LIMK2: variants seen among roughly 807,000 people sequenced by gnomAD.
LIMK2 encodes LIM domain kinase 2.
In LIMK2, 35 loss-of-function variants were observed where a neutral mutation model predicts 75.7. That is an observed-to-expected ratio of 0.46 (90% CI 0.35 to 0.61). LIMK2 has a LOEUF of 0.61. LIMK2 is among the 20% of genes least tolerant of loss of function. LIMK2 has a pLI of 0.00. For synonymous variants in LIMK2, 301 were observed against 319.2 expected (o/e 0.94, Z 0.61); for missense variants, 623 against 831.0 (o/e 0.75, Z 3.08).
chr22:31,255,461 C>T (rs902487759), intron 2 of LIMK2, among the ~76,000 whole-genome samples: 3 of 152,132 alleles, frequency 2.0e-5, no homozygotes, highest in Admixed American at 1.3e-4. Flanking sequence ...TAAAAATAGC[C>T]ATCAGTGTTT....
At chr22:31,223,344 C>A (rs2048452501) in intron 1 of LIMK2, among the ~76,000 whole-genome samples, 1 of 152,162 alleles carries the variant, frequency 6.6e-6, no homozygotes. Context: ...TGAATATCCT[C>A]ATGGTGGAAA....
chr22:31,234,231 C>T (rs565378549), intron 2 of LIMK2, among the ~76,000 whole-genome samples: 3 of 151,056 alleles, frequency 2.0e-5, no homozygotes, highest in South Asian at 2.1e-4. Flanking sequence ...AAGCTAGTCT[C>T]GAACTCCTGA....
intron 1 of LIMK2, among the ~76,000 whole-genome samples, chr22:31,222,478 G>A (rs965073720): frequency 3.0e-5 from 4 of 133,674 alleles, no homozygotes; most frequent in African/African-American, 8.5e-5. Flanking sequence ...GGGTTCAAGC[G>A]ATTCTCCTGC....
rs946129705 is a variant in LIMK2 at position 31,275,277 on chromosome 22, G to A, written c.1741G>A (p.Ala581Thr). 7.4e-6 allele frequency: 12 copies of A among 1,614,042 alleles called. No individual in the cohort carries two copies. The highest frequency in any genetic ancestry group is 2.2e-5 in the East Asian group (1 of 44,898). Residue 581 changes from alanine to threonine, a missense_variant, in exon 15 of 16, where the codon GCC becomes ACC. Coordinates refer to ENST00000331728, the MANE Select transcript of LIMK2 (RefSeq NM_005569.4). The stretch of plus-strand genomic sequence containing the variant: ...TCCCCCGGCCTTCTTCCCGCTGGCC[G>A]CCATCTGCTGCAGACTGGAGCCTGA... The part of the protein sequence containing the change: ...DCPPAFFPLA[A>T]ICCRLEPESR...
intron 7 of LIMK2, among the ~76,000 whole-genome samples, chr22:31,263,992 A>C (rs937856874): frequency 4.6e-5 from 7 of 151,474 alleles, no homozygotes; most frequent in Non-Finnish European, 1.0e-4. Context: ...CTTGTCTCCA[A>C]AAAAAAAAGT....
At chr22:31,274,750 C>T (rs2048995980) in intron 14 of LIMK2, among the ~76,000 whole-genome samples, 2 of 152,164 alleles carry the variant, frequency 1.3e-5, no homozygotes, top group East Asian at 1.9e-4. Flanking sequence ...ATTAATTGAA[C>T]ACCTCTGTTC....
intron 11 of LIMK2, among the ~76,000 whole-genome samples, chr22:31,269,965 C>T (rs1569001674): frequency 6.7e-6 from 1 of 150,130 alleles, no homozygotes; most frequent in African/African-American, 2.5e-5. Context: ...AATGAGGGAA[C>T]AGGAGGAGGA....
intron 2 of LIMK2, among the ~76,000 whole-genome samples, chr22:31,255,550 C>T (rs1411865194): frequency 1.3e-5 from 2 of 152,178 alleles, no homozygotes; most frequent in Non-Finnish European, 2.9e-5. Flanking sequence ...ACTTCCCTAG[C>T]TCAGCTGCTT....
rs535595572 is a variant in LIMK2 at position 31,250,694 on chromosome 22, C to T, written c.117-7597C>T. On this transcript the variant is annotated intron_variant, in intron 2 of 15. Transcript: ENST00000331728. ...CAGACCCTCTGCTCTCCCAGGTATCCGTTACCACATCACTACCTGGTCAGA... is the reference window on the plus strand; with the variant it reads ...CAGACCCTCTGCTCTCCCAGGTATCTGTTACCACATCACTACCTGGTCAGA... Among the ~76,000 whole-genome samples the T allele has an allele frequency of 1.1e-4, 17 of 152,312 alleles. No individual in the cohort carries two copies. The East Asian group carries it at 2.1e-3, about 19-fold the overall frequency.
At chr22:31,269,506 C>T (rs986899652) in intron 11 of LIMK2, among the ~76,000 whole-genome samples, 1 of 151,990 alleles carries the variant, frequency 6.6e-6, no homozygotes, top group Non-Finnish European at 1.5e-5. Context: ...TGGCTCATGC[C>T]TGTAATCCCA....
At chr22:31,219,518 G>A (rs1177174217) in intron 1 of LIMK2, among the ~76,000 whole-genome samples, 1 of 152,008 alleles carries the variant, frequency 6.6e-6, no homozygotes, top group African/African-American at 2.4e-5. Context: ...TTGTTTGAAG[G>A]TACTGTGAAC....
At chr22:31,219,691 C>G (rs1416830758) in intron 1 of LIMK2, among the ~76,000 whole-genome samples, 1 of 152,182 alleles carries the variant, frequency 6.6e-6, no homozygotes, top group Non-Finnish European at 1.5e-5. Context: ...CCTGCTTCAG[C>G]CTCCCGAGTA....
At position 31,212,338 on chromosome 22, in the gene LIMK2, G is replaced by T. The variant is rs930267541; in HGVS notation, c.-71G>T. ...AGGCGGCGGCGGCAGGAGCTGAGGG[G>T]AGTTGTAGGGAACTGAGGGGAGCTG... On this transcript the variant is annotated 5_prime_UTR_variant, in exon 1 of 16. Transcript: ENST00000331728. 62 of 1,308,434 alleles carry T rather than the reference G, an allele frequency of 4.7e-5. No individual in the cohort carries two copies. The highest frequency in any genetic ancestry group is 6.1e-5 in the Non-Finnish European group (62 of 1,018,154). 81.1% of individuals were successfully genotyped at this position (1,308,434 alleles called of 1,614,324 possible). A position where few individuals can be genotyped will look rare whatever the true frequency, so the allele number is the denominator to read the frequency against.
In LIMK2 at chr22:31,267,035, T is replaced by C. The variant is rs138769386; in HGVS notation, c.1093T>C (p.Cys365Arg). The C allele has an allele frequency of 6.2e-7, 1 of 1,609,784 alleles. No homozygotes were observed. Among genetic ancestry groups the C allele is most frequent in the East Asian group, 2.2e-5 (1 of 44,814 alleles). ...GATGGTCATGAAAGAGTTAATTCGA[T>C]GTGATGAGGAGACCCAGAAAACTTT... is the stretch of plus-strand genomic sequence containing the variant. ...KVMVMKELIR[C>R]DEETQKTFLT... Residue 365 changes from cysteine to arginine, a missense_variant, in exon 9 of 16, where the codon TGT (cysteine) becomes CGT (arginine). By Grantham distance (180) the Cys-to-Arg change is radical. Coordinates refer to ENST00000331728, the MANE Select transcript of LIMK2 (RefSeq NM_005569.4).
intron 2 of LIMK2, among the ~76,000 whole-genome samples, chr22:31,229,661 G>A (rs1224128479): frequency 6.6e-6 from 1 of 152,114 alleles, no homozygotes; most frequent in African/African-American, 2.4e-5. Flanking sequence ...CCTTCCCCCA[G>A]TACCTTTGTT....
At chr22:31,275,008 T>C (rs1012373639) in intron 14 of LIMK2, 143 bp from the exon 15 acceptor site, 1 of 759,626 alleles carries the variant, frequency 1.3e-6, no homozygotes, top group African/African-American at 1.7e-5. Context: ...GAGAGATGAT[T>C]GGGGATTGGG....
At chr22:31,222,930 A>G (rs2048449226) in intron 1 of LIMK2, 1 of 152,098 alleles carries the variant, frequency 6.6e-6, no homozygotes, top group Non-Finnish European at 1.5e-5. Context: ...GGGGTGCTGT[A>G]AAGATAACTA....
At chr22:31,225,598 G>A in intron 1 of LIMK2, 122 bp from the exon 2 acceptor site, 1 of 682,348 alleles carries the variant, frequency 1.5e-6, no homozygotes, top group Non-Finnish European at 2.6e-6. Context: ...GCATCTAGCA[G>A]AGCATTGGCC....
At chr22:31,217,604 T>C (rs1328534790) in intron 1 of LIMK2, among the ~76,000 whole-genome samples, 1 of 152,222 alleles carries the variant, frequency 6.6e-6, no homozygotes. Flanking sequence ...TAAAGTAGTT[T>C]TTTTCCTCTA....
Sources: allele counts gnomAD v4.1 joint callset (sites outside exome capture counted in the v4.1 genomes callset), GRCh38; gene constraint gnomAD v4.1.1; transcripts MANE v1.5; gene names NCBI Gene and HGNC (gene_info 2026-07-23, HGNC 2026-07-21).